Variants in NAALAD2 observed in about 807,000 individuals in gnomAD.
The protein encoded by NAALAD2 is N-acetylated-alpha-linked acidic dipeptidase 2.
A neutral mutation model predicts 95.6 loss-of-function variants in NAALAD2; 89 were observed. That is an observed-to-expected ratio of 0.93 (90% CI 0.78 to 1.11). The LOEUF (loss-of-function observed/expected upper bound fraction) is 1.11. Among genes scored for constraint, NAALAD2 ranks in the 50% least tolerant of loss-of-function variants. NAALAD2 has a pLI of 0.00. For synonymous variants in NAALAD2, 264 were observed against 294.4 expected, an observed-to-expected ratio of 0.90 and a Z score of 1.06; for missense variants, 894 against 872.4, an observed-to-expected ratio of 1.02 and a Z score of -0.31.
Position 90,177,833 on chromosome 11 carries a change from C to A in NAALAD2, c.1594-20C>A. Reference sequence around the variant, plus strand: ...AATATTTAATGTTTATTTATACTTGCCTCTCCATTTTTTTTTCAGAAAACA... The same window carrying A: ...AATATTTAATGTTTATTTATACTTGACTCTCCATTTTTTTTTCAGAAAACA... On this transcript the variant is annotated intron_variant, in intron 15 of 18. Coordinates refer to ENST00000534061, the MANE Select transcript of NAALAD2 (RefSeq NM_005467.4). 6.3e-7 allele frequency: 1 copy of A among 1,584,642 alleles called. No homozygotes were observed. Among genetic ancestry groups the A allele is most frequent in the Non-Finnish European group, 8.6e-7 (1 of 1,166,890 alleles).
chr11:90,154,993 ATG>A (rs376211318), intron 6 of NAALAD2, among the ~76,000 whole-genome samples: 11,162 of 66,724 alleles, frequency 0.17, 1,383 homozygotes, highest in African/African-American at 0.23. Flanking sequence ...TATACATAAT[ATG>A]TATGTGTGTA....
intron 4 of NAALAD2, among the ~76,000 whole-genome samples, chr11:90,150,141 GCTA>G (rs1232069143): frequency 3.3e-5 from 5 of 152,138 alleles, no homozygotes; most frequent in Non-Finnish European, 7.3e-5. Context: ...TGTAATCACA[GCTA>G]CTCTGGCAGC....
At chr11:90,182,657 G>C (rs768078031) in intron 17 of NAALAD2, among the ~76,000 whole-genome samples, 84 of 151,910 alleles carry the variant, frequency 5.5e-4, no homozygotes, top group Non-Finnish European at 1.1e-3. Context: ...ATGTCTTTGA[G>C]TCCCTTTTGA....
intron 18 of NAALAD2, among the ~76,000 whole-genome samples, chr11:90,187,017 T>C (rs184634023): frequency 0.084 from 12,801 of 151,618 alleles, 722 homozygotes; most frequent in Non-Finnish European, 0.13. Flanking sequence ...GCGAAGGACA[T>C]GAACAGACAC....
At chr11:90,134,911 T>C in intron 1 of NAALAD2, 71 bp downstream of exon 1, 4 of 1,559,012 alleles carry the variant, frequency 2.6e-6, no homozygotes, top group Non-Finnish European at 3.5e-6. Flanking sequence ...GGAGAAATCC[T>C]GGAGCTGGAA....
rs539790632 is a variant in NAALAD2 at position 90,172,769 on chromosome 11, T to A, written c.1411-1055T>A. On this transcript the variant is annotated intron_variant, in intron 13 of 18. Coordinates refer to ENST00000534061, the MANE Select transcript of NAALAD2 (RefSeq NM_005467.4). ...TCTCTTTTCTGAGTTCAGTGCTTAG[T>A]AAATATCTATAGAAAAATTAAGAAT... 5.3e-5 allele frequency among the ~76,000 whole-genome samples: 8 copies of A among 152,312 alleles called. No individual in the cohort carries two copies. In the South Asian group the frequency reaches 1.7e-3, roughly 32 times the overall value.
intron 4 of NAALAD2, among the ~76,000 whole-genome samples, chr11:90,149,831 G>A (rs573130937): frequency 6.6e-6 from 1 of 152,242 alleles, no homozygotes; most frequent in South Asian, 2.1e-4. Flanking sequence ...TACCATAGAG[G>A]TTCTTAAATT....
chr11:90,183,000 G>C lies in NAALAD2; in HGVS notation c.2025G>C (p.Leu675=), dbSNP rs1302413799. 1 of 1,611,790 alleles carries C rather than the reference G, an allele frequency of 6.2e-7. No homozygotes were observed. Among genetic ancestry groups the C allele is most frequent in the Non-Finnish European group, 8.5e-7 (1 of 1,178,174 alleles). The change falls in exon 18 of 19, where the codon CTG becomes CTC. Residue 675 remains leucine (L), a synonymous_variant. Transcript: ENST00000534061. ...ATCCTCTTGGTTTACCAGGAAAGCT[G>C]TTCTATAGGTAAGGAAACAACAGGC... The part of the protein sequence containing the change: ...FIDPLGLPGK[L]FYRHIIFAPS...
intron 2 of NAALAD2, among the ~76,000 whole-genome samples, chr11:90,137,526 T>C (rs1216076023): frequency 6.6e-6 from 1 of 152,156 alleles, no homozygotes; most frequent in Admixed American, 6.5e-5. Context: ...ATAAATAATT[T>C]TAGAAGTCTA....
intron 18 of NAALAD2, among the ~76,000 whole-genome samples, chr11:90,189,230 A>G (rs571525872): frequency 4.6e-5 from 7 of 152,208 alleles, no homozygotes; most frequent in Non-Finnish European, 1.0e-4. Flanking sequence ...TAGTGCCTCC[A>G]GGAAGGAATG....
At chr11:90,155,066 A>G (rs1565521921) in intron 6 of NAALAD2, among the ~76,000 whole-genome samples, 1 of 124,028 alleles carries the variant, frequency 8.1e-6, no homozygotes, top group African/African-American at 3.6e-5. Flanking sequence ...ACATATACAT[A>G]TGTATATATG....
chr11:90,135,698 A>C (rs923728156), intron 2 of NAALAD2, 28 bp downstream of exon 2: 11 of 1,563,646 alleles, frequency 7.0e-6, no homozygotes, highest in Non-Finnish European at 9.7e-6. Flanking sequence ...ATTTGATCTT[A>C]AAAATCATGT....
At chr11:90,155,729 A>G (rs1177025710) in intron 6 of NAALAD2, among the ~76,000 whole-genome samples, 1 of 54,244 alleles carries the variant, frequency 1.8e-5, no homozygotes, top group Non-Finnish European at 3.4e-5. Flanking sequence ...TGTAATACAT[A>G]CATACATATG....
At chr11:90,189,778 A>AC (rs200508503) in intron 18 of NAALAD2, among the ~76,000 whole-genome samples, 1 of 152,044 alleles carries the variant, frequency 6.6e-6, no homozygotes, top group Admixed American at 6.6e-5. Context: ...TCAAAAAAAA[A>AC]AAAGAAATTT....
intron 14 of NAALAD2, 37 bp downstream of exon 14, chr11:90,173,952 A>C (rs1952712870): frequency 1.5e-6 from 2 of 1,343,916 alleles, no homozygotes; most frequent in African/African-American, 2.9e-5. Context: ...ACTGTAGGAT[A>C]AGTTATGAAT....
At chr11:90,132,597 C>T (rs1344293073), upstream of NAALAD2, among the ~76,000 whole-genome samples, 1 of 152,136 alleles carries the variant, frequency 6.6e-6, no homozygotes, top group Non-Finnish European at 1.5e-5. Flanking sequence ...TTGTGTGTCA[C>T]CTGTTAAACA....
intron 2 of NAALAD2, among the ~76,000 whole-genome samples, chr11:90,139,432 C>A (rs1388100015): frequency 6.6e-6 from 1 of 152,098 alleles, no homozygotes; most frequent in African/African-American, 2.4e-5. Flanking sequence ...TTGTAGCATC[C>A]CCCTCTGCCC....
At chr11:90,177,795 ATAT>A (rs1952846704) in intron 15 of NAALAD2, 55 bp from the exon 16 acceptor site, 1 of 1,458,284 alleles carries the variant, frequency 6.9e-7, no homozygotes, top group African/African-American at 1.4e-5. Flanking sequence ...TTACATAAAA[ATAT>A]TATAACTTGA....
At chr11:90,131,897 T>G (rs566937213), upstream of NAALAD2, 4 of 152,326 alleles carry the variant, frequency 2.6e-5, no homozygotes, top group Admixed American at 1.3e-4. Context: ...AGACTGGTTT[T>G]CAATACTCAA....
Sources: gnomAD v4.1 joint callset for allele counts (sites outside exome capture counted in the v4.1 genomes callset) on GRCh38, gnomAD v4.1.1 for gene constraint, MANE v1.5 for transcripts, NCBI Gene and HGNC (gene_info 2026-07-23, HGNC 2026-07-21) for gene names.